Variants in UBASH3B observed in about 807,000 individuals in gnomAD.
UBASH3B encodes ubiquitin-associated and SH3 domain-containing protein B.
In UBASH3B, 37 loss-of-function variants were observed where a neutral mutation model predicts 83.4. The observed-to-expected ratio is 0.44, with a 90% CI of 0.34 to 0.58. The LOEUF (loss-of-function observed/expected upper bound fraction) is 0.58, where lower values mean the gene tolerates loss of function less well. Among genes scored for constraint, UBASH3B ranks in the 20% least tolerant of loss-of-function variants. The probability of loss-of-function intolerance (pLI) is 0.01; values close to 1 mark genes in which losing one functional copy is unlikely to be tolerated. For synonymous variants in UBASH3B, 304 were observed against 318.3 expected (o/e 0.96, Z 0.48); for missense variants, 657 against 827.2 (o/e 0.79, Z 2.52).
At chr11:122,807,976 C>T (rs1290143444) in intron 12 of UBASH3B, 91 bp from the exon 13 acceptor site, 13 of 964,780 alleles carry the variant, frequency 1.3e-5, no homozygotes, top group Non-Finnish European at 1.9e-5. Flanking sequence ...GTGTTTGCTC[C>T]CCTGCAGAGC....
At chr11:122,798,866 G>GC in intron 9 of UBASH3B, 76 bp from the exon 10 acceptor site, 2 of 1,185,668 alleles carry the variant, frequency 1.7e-6, no homozygotes, top group Non-Finnish European at 2.5e-6. Flanking sequence ...TTACTGCTTG[G>GC]CCCCCTCTCA....
intron 1 of UBASH3B, among the ~76,000 whole-genome samples, chr11:122,674,781 T>G (rs1402382674): frequency 1.4e-5 from 2 of 141,864 alleles, no homozygotes; most frequent in Non-Finnish European, 1.5e-5. Context: ...CAGGCTGGAG[T>G]GCAGTGGCAC....
chr11:122,811,678 T>C lies in UBASH3B; in HGVS notation c.*1792T>C, dbSNP rs1181968948. On this transcript the variant is annotated 3_prime_UTR_variant, in exon 14 of 14. Transcript: ENST00000284273. ...GAAAAATATGTCATGTATTTTACAT[T>C]TTGAGAAACAAATCAATCATGGTTT... 1 of 152,140 alleles carries C rather than the reference T, an allele frequency of 6.6e-6. No homozygotes were observed. Among genetic ancestry groups the C allele is most frequent in the Non-Finnish European group, 1.5e-5 (1 of 68,018 alleles). 9.4% of individuals were successfully genotyped at this position (152,140 alleles called of 1,614,324 possible). A position where few individuals can be genotyped will look rare whatever the true frequency, so the allele number is the denominator to read the frequency against.
At chr11:122,715,529 A>G (rs192567271) in intron 1 of UBASH3B, among the ~76,000 whole-genome samples, 1 of 152,314 alleles carries the variant, frequency 6.6e-6, no homozygotes, top group African/African-American at 2.4e-5. Flanking sequence ...TTTTAGGGCC[A>G]TTTACCCAAT....
intron 1 of UBASH3B, among the ~76,000 whole-genome samples, chr11:122,735,756 T>C (rs567945129): frequency 6.6e-6 from 1 of 152,228 alleles, no homozygotes; most frequent in Non-Finnish European, 1.5e-5. Flanking sequence ...GGGCCCAGCA[T>C]GTGCAAAGGC....
At chr11:122,767,565 C>T (rs1201485506) in intron 1 of UBASH3B, among the ~76,000 whole-genome samples, 1 of 152,164 alleles carries the variant, frequency 6.6e-6, no homozygotes, top group African/African-American at 2.4e-5. Flanking sequence ...CCCGCCTCGG[C>T]CTCCCAAAGT....
In UBASH3B at chr11:122,743,763, G is replaced by C. The variant is rs974107000; in HGVS notation, c.162-32456G>C. On this transcript the variant is annotated intron_variant, in intron 1 of 13. Transcript: ENST00000284273. Reference sequence around the variant, plus strand: ...TGTTTCCATTGCAAAGGAGCGTGATGGAGTAAGCGGCAGAGGGCCTGAGGG... The same window carrying C: ...TGTTTCCATTGCAAAGGAGCGTGATCGAGTAAGCGGCAGAGGGCCTGAGGG... Among the ~76,000 whole-genome samples, 3 of 152,350 alleles carry C rather than the reference G, an allele frequency of 2.0e-5. No individual in the cohort carries two copies. The South Asian group carries it at 6.2e-4, about 32-fold the overall frequency.
chr11:122,786,550 G>A (rs1216165465), intron 5 of UBASH3B, among the ~76,000 whole-genome samples: 2 of 152,236 alleles, frequency 1.3e-5, no homozygotes, highest in African/African-American at 2.4e-5. Context: ...CCAGCTACTC[G>A]GGAGGCTGAG....
intron 1 of UBASH3B, among the ~76,000 whole-genome samples, chr11:122,724,071 C>T (rs1204351655): frequency 6.6e-6 from 1 of 152,196 alleles, no homozygotes; most frequent in African/African-American, 2.4e-5. Flanking sequence ...CCTGGAGGAC[C>T]TTTGCCTTAG....
intron 4 of UBASH3B, chr11:122,782,491 T>G (rs950910700): frequency 6.6e-6 from 1 of 152,360 alleles, no homozygotes; most frequent in Admixed American, 6.5e-5. Flanking sequence ...AAACACCCCA[T>G]CATGCACAGG....
rs80124433 is a variant in UBASH3B, at chr11:122,790,791, A to C, written c.980+1483A>C. Among the ~76,000 whole-genome samples, 1,626 of 147,954 alleles carry C rather than the reference A, an allele frequency of 0.011. 91 individuals carry two copies. The East Asian group carries it at 0.17, about 16-fold the overall frequency. ...GTGAAACCGCGTCTCTACCAAAAAT[A>C]AAAAAAAAAATCAGCTGGGCGTGGT... On this transcript the variant is annotated intron_variant, in intron 6 of 13. Coordinates refer to ENST00000284273, the MANE Select transcript of UBASH3B (RefSeq NM_032873.5).
intron 1 of UBASH3B, among the ~76,000 whole-genome samples, chr11:122,722,381 C>T (rs985450947): frequency 5.9e-5 from 9 of 152,214 alleles, no homozygotes; most frequent in African/African-American, 9.6e-5. Context: ...TTTTGCTGCA[C>T]GGGTCCATTT....
intron 6 of UBASH3B, among the ~76,000 whole-genome samples, chr11:122,793,298 G>A (rs181334574): frequency 6.8e-4 from 104 of 152,282 alleles, no homozygotes; most frequent in African/African-American, 2.2e-3. Context: ...CAGGAAAATC[G>A]CTTGAACCTG....
intron 6 of UBASH3B, 134 bp downstream of exon 6, chr11:122,789,442 G>T: frequency 1.0e-6 from 1 of 982,318 alleles, no homozygotes. Context: ...CAGGAAAGGA[G>T]CTGATTTGAG....
At chr11:122,676,400 G>T (rs1257101042) in intron 1 of UBASH3B, among the ~76,000 whole-genome samples, 2 of 152,098 alleles carry the variant, frequency 1.3e-5, no homozygotes, top group Non-Finnish European at 2.9e-5. Flanking sequence ...TTAGCTGGAC[G>T]TGGTGGCAGG....
chr11:122,775,879 G>C (rs1860722898), intron 1 of UBASH3B: 1 of 236,734 alleles, frequency 4.2e-6, no homozygotes, highest in Admixed American at 5.9e-5. Flanking sequence ...GGGTCACTAA[G>C]AATGAGTGGG....
In UBASH3B at chr11:122,734,429, T is replaced by A. The variant is rs151241481; in HGVS notation, c.162-41790T>A. On this transcript the variant is annotated intron_variant, in intron 1 of 13. Transcript: ENST00000284273. ...CTGAAGCCACTGTGCTCTGACCCCA[T>A]GTCTTTGCTTGAATGGTGTTCATAG... 4.9e-3 allele frequency among the ~76,000 whole-genome samples: 744 copies of A among 152,236 alleles called. 5 individuals carry two copies. Among genetic ancestry groups the A allele is most frequent in the African/African-American group, 0.017 (712 of 41,536 alleles).
At chr11:122,807,040 T>C (rs1861353691) in intron 12 of UBASH3B, among the ~76,000 whole-genome samples, 2 of 152,222 alleles carry the variant, frequency 1.3e-5, no homozygotes. Context: ...AAAAAAAGTA[T>C]GGACATTCCC....
chr11:122,770,709 C>A (rs1860627676), intron 1 of UBASH3B, among the ~76,000 whole-genome samples: 1 of 151,884 alleles, frequency 6.6e-6, no homozygotes. Context: ...CCCCCAGCCC[C>A]AACTTGTTTC....
Sources: gnomAD v4.1 joint callset for allele counts (sites outside exome capture counted in the v4.1 genomes callset) on GRCh38, gnomAD v4.1.1 for gene constraint, MANE v1.5 for transcripts, NCBI Gene and HGNC (gene_info 2026-07-23, HGNC 2026-07-21) for gene names.